FRG1: variants seen among roughly 807,000 people sequenced by gnomAD.
The protein encoded by FRG1 is FSHD region gene 1.
In FRG1, 19 loss-of-function variants were observed where a neutral mutation model predicts 37.0. That is an observed-to-expected ratio of 0.51 (90% CI 0.36 to 0.75). FRG1 has a LOEUF of 0.75. FRG1 is among the 30% of genes least tolerant of loss of function. FRG1 has a pLI of 0.00. For synonymous variants in FRG1, 73 were observed against 96.5 expected (o/e 0.76, Z 1.43); for missense variants, 243 against 301.4 (o/e 0.81, Z 1.44).
chr4:189,956,050 C>T (rs1467099002), intron 5 of FRG1, among the ~76,000 whole-genome samples: 1 of 152,186 alleles, frequency 6.6e-6, no homozygotes, highest in East Asian at 1.9e-4. Flanking sequence ...GACTTGAAAA[C>T]TATTTTGGCC....
intron 6 of FRG1, among the ~76,000 whole-genome samples, chr4:189,957,765 A>G (rs62345292): frequency 1.3e-5 from 2 of 152,084 alleles, no homozygotes; most frequent in African/African-American, 2.4e-5. Flanking sequence ...GTAGTTCCAC[A>G]TGCTCTTTTT....
At chr4:189,941,190 C>T in intron 1 of FRG1, 119 bp downstream of exon 1, 3 of 908,174 alleles carry the variant, frequency 3.3e-6, no homozygotes, top group Non-Finnish European at 3.5e-6. Context: ...AGGCTTCGCC[C>T]TGGCCCCTGT....
chr4:189,947,130 C>T (rs1329191648), intron 2 of FRG1, among the ~76,000 whole-genome samples: 2 of 152,236 alleles, frequency 1.3e-5, no homozygotes, highest in African/African-American at 2.4e-5. Context: ...GCGTGAGCCG[C>T]GGTGCCCGGC....
At chr4:189,947,442 C>A (rs145357633) in intron 2 of FRG1, among the ~76,000 whole-genome samples, 3,731 of 152,206 alleles carry the variant, frequency 0.025, 134 homozygotes, top group East Asian at 0.11. Context: ...TTTGACCACC[C>A]TTTTGCTCCT....
At chr4:189,946,396 G>A (rs1023939869) in intron 2 of FRG1, among the ~76,000 whole-genome samples, 1 of 151,048 alleles carries the variant, frequency 6.6e-6, no homozygotes, top group Non-Finnish European at 1.5e-5. Flanking sequence ...AGCTGGCCTG[G>A]GCCACATGTG....
At chr4:189,943,892 TG>T (rs1311440659) in intron 2 of FRG1, among the ~76,000 whole-genome samples, 1 of 152,210 alleles carries the variant, frequency 6.6e-6, no homozygotes, top group African/African-American at 2.4e-5. Context: ...ATAAAGCTAA[TG>T]TTCTGGAAGA....
chr4:189,955,454 TA>T (rs201071568), intron 5 of FRG1, among the ~76,000 whole-genome samples: 1 of 115,876 alleles, frequency 8.6e-6, no homozygotes, highest in Admixed American at 7.6e-5. Context: ...AGTTCCTAAG[TA>T]TCTTTGTAGC....
intron 2 of FRG1, among the ~76,000 whole-genome samples, chr4:189,948,125 C>T (rs1220180283): frequency 6.6e-6 from 1 of 152,096 alleles, no homozygotes; most frequent in African/African-American, 2.4e-5. Flanking sequence ...CATGGTTTTG[C>T]ATTGTGGATT....
chr4:189,958,213 T>A (rs1241427400), intron 6 of FRG1, among the ~76,000 whole-genome samples: 3 of 152,206 alleles, frequency 2.0e-5, no homozygotes. Context: ...AGATGGAAAT[T>A]TAGGCTGTTT....
intron 7 of FRG1, chr4:189,961,494 G>A (rs796645389): frequency 1.2e-4 from 20 of 169,812 alleles, no homozygotes; most frequent in Non-Finnish European, 2.0e-4. Flanking sequence ...CGCAACCTCC[G>A]CTTCCCAGGT....
intron 6 of FRG1, among the ~76,000 whole-genome samples, chr4:189,959,421 A>T (rs76972750): frequency 6.6e-6 from 1 of 151,342 alleles, no homozygotes; most frequent in Admixed American, 6.6e-5. Flanking sequence ...CAGTTCATGG[A>T]AATCACAGTG....
chr4:189,946,883 G>A (rs1196005397), intron 2 of FRG1, among the ~76,000 whole-genome samples: 4 of 151,908 alleles, frequency 2.6e-5, no homozygotes, highest in African/African-American at 4.8e-5. Context: ...ATGGAGTCTC[G>A]CTGTTGCCCA....
At chr4:189,948,564 G>A (rs1736623668) in intron 2 of FRG1, among the ~76,000 whole-genome samples, 2 of 152,116 alleles carry the variant, frequency 1.3e-5, no homozygotes, top group Admixed American at 1.3e-4. Context: ...GAGATTTAAG[G>A]GGGCCCTTAG....
At chr4:189,942,257 T>G (rs866047558) in intron 1 of FRG1, among the ~76,000 whole-genome samples, 4 of 152,216 alleles carry the variant, frequency 2.6e-5, no homozygotes, top group Admixed American at 6.5e-5. Context: ...ATTATAAAAT[T>G]CACCCTTTTG....
Position 189,957,419 on chromosome 4 carries a change from T to C in FRG1, c.454T>C (p.Ser152Pro). 6.2e-7 allele frequency: 1 copy of C among 1,612,380 alleles called. No individual in the cohort carries two copies. The highest frequency in any genetic ancestry group is 8.5e-7 in the Non-Finnish European group (1 of 1,179,064). ...TTAGGGGAAAATGGCTTTGTTGGCC[T>C]CAAATAGCTGCTTTATTAGATGCAA... ...FQNGKMALLA[S>P]NSCFIRCNEA... Residue 152 changes from serine (S) to proline (P), a missense_variant, in exon 6 of 9, where the codon TCA (serine) becomes CCA (proline). Physicochemically the swap from Ser to Pro is moderately conservative, Grantham distance 74. Transcript: ENST00000226798.
chr4:189,951,489 C>CAA (rs70947948), intron 2 of FRG1, among the ~76,000 whole-genome samples: 1 of 114,554 alleles, frequency 8.7e-6, no homozygotes, highest in African/African-American at 2.9e-5. Context: ...GTCTCCGTCT[C>CAA]AAAAAAAAAA....
rs527829079 is a variant in FRG1 at position 189,945,470 on chromosome 4, T to C, written c.133+2198T>C. 1.3e-3 allele frequency among the ~76,000 whole-genome samples: 203 copies of C among 152,372 alleles called. 2 individuals carry two copies. The highest frequency in any genetic ancestry group is 4.8e-3 in the African/African-American group (199 of 41,598). On this transcript the variant is annotated intron_variant, in intron 2 of 8. Transcript: ENST00000226798. ...GAGTTTTTATCATAACGATGTTTAATGCTGTCAGATGCCTCTTTCTGTATC... is the reference window on the plus strand; with the variant it reads ...GAGTTTTTATCATAACGATGTTTAACGCTGTCAGATGCCTCTTTCTGTATC...
rs75441608 is a variant in FRG1, at chr4:189,951,492, A to G, written c.134-670A>G. Among the ~76,000 whole-genome samples, 9 of 76,508 alleles carry G rather than the reference A, an allele frequency of 1.2e-4. No homozygotes were observed. The South Asian group carries it at 3.3e-3, about 28-fold the overall frequency. The allele number at this position is 76,508 out of a possible 152,430, so 50.2% of individuals were successfully genotyped here. ...GCGACAGAGCGAGTCTCCGTCTCAAAAAAAAAAAAAAAAAGATTGCTATGC... is the reference window on the plus strand; with the variant it reads ...GCGACAGAGCGAGTCTCCGTCTCAAGAAAAAAAAAAAAAAGATTGCTATGC... On this transcript the variant is annotated intron_variant, in intron 2 of 8. Transcript: ENST00000226798.
At chr4:189,952,132 TA>T (rs1213324864) in intron 2 of FRG1, 29 bp from the exon 3 acceptor site, 1 of 1,490,172 alleles carries the variant, frequency 6.7e-7, no homozygotes, top group Non-Finnish European at 9.1e-7. Flanking sequence ...AACTAAAATA[TA>T]AAGTTGAAAT....
Sources: allele counts gnomAD v4.1 joint callset (sites outside exome capture counted in the v4.1 genomes callset), GRCh38; gene constraint gnomAD v4.1.1; transcripts MANE v1.5; gene names NCBI Gene and HGNC (gene_info 2026-07-23, HGNC 2026-07-21).